NELL2: variants seen among roughly 807,000 people sequenced by gnomAD.
NELL2 encodes protein kinase C-binding protein NELL2.
In NELL2, 41 loss-of-function variants were observed where a neutral mutation model predicts 109.6. That is an observed-to-expected ratio of 0.37 (90% confidence interval 0.29 to 0.49). The LOEUF (loss-of-function observed/expected upper bound fraction) is 0.49. NELL2 is among the 20% of genes least tolerant of loss of function. The probability of loss-of-function intolerance (pLI) is 0.98; values close to 1 mark genes in which losing one functional copy is unlikely to be tolerated. For missense variants in NELL2, 900 were observed against 1,008.3 expected (o/e 0.89, Z 1.45); for synonymous variants, 355 against 344.7 (o/e 1.03, Z -0.33).
upstream of NELL2, among the ~76,000 whole-genome samples, chr12:44,917,065 G>C (rs998601139): frequency 6.6e-6 from 1 of 152,056 alleles, no homozygotes; most frequent in South Asian, 2.1e-4. Context: ...AGAGACTCTC[G>C]TTTTGTTAAT....
intron 15 of NELL2, among the ~76,000 whole-genome samples, chr12:44,563,230 G>C (rs889049542): frequency 6.6e-6 from 1 of 151,886 alleles, no homozygotes; most frequent in Admixed American, 6.6e-5. Flanking sequence ...AGGTTGATTG[G>C]TGCAGCAAAC....
At chr12:44,633,825 G>A (rs995758831) in intron 13 of NELL2, among the ~76,000 whole-genome samples, 5 of 152,046 alleles carry the variant, frequency 3.3e-5, no homozygotes, top group African/African-American at 1.2e-4. Context: ...TGGAAAATGT[G>A]TTCAGTTGGC....
At chr12:44,891,181 C>T (rs1755582114) in intron 1 of NELL2, among the ~76,000 whole-genome samples, 2 of 152,300 alleles carry the variant, frequency 1.3e-5, no homozygotes, top group South Asian at 2.1e-4. Context: ...TCAGAGGACA[C>T]CATACTTGTT....
chr12:44,844,933 T>G (rs1253340379), intron 2 of NELL2, among the ~76,000 whole-genome samples: 1 of 152,154 alleles, frequency 6.6e-6, no homozygotes, highest in Non-Finnish European at 1.5e-5. Context: ...AATCATTCTA[T>G]TATCTCAATT....
Position 44,787,314 on chromosome 12 carries a change from A to G in NELL2, c.336-7292T>C, listed in dbSNP as rs11561525. On this transcript the variant is annotated intron_variant, in intron 3 of 19. Transcript: ENST00000429094. ...TAAATATACCATATGCATAAATTGG[A>G]AGACTCAATACAGTAAAGAAGTCAA... Among the ~76,000 whole-genome samples the G allele has an allele frequency of 2.2e-3, 342 of 152,306 alleles. 10 individuals carry two copies. The East Asian group carries it at 0.049, about 22-fold the overall frequency.
chr12:44,784,955 C>T (rs1460291090), intron 3 of NELL2, among the ~76,000 whole-genome samples: 2 of 152,094 alleles, frequency 1.3e-5, no homozygotes, highest in Admixed American at 1.3e-4. Context: ...GGAAGCATTC[C>T]CTTTGAAAAC....
chr12:44,811,771 G>A (rs762744033), intron 3 of NELL2, among the ~76,000 whole-genome samples: 13 of 152,050 alleles, frequency 8.5e-5, no homozygotes, highest in Admixed American at 5.2e-4. Flanking sequence ...GGAAGAGAGA[G>A]CCAGTCTCAC....
Position 44,686,415 on chromosome 12 carries a change from C to T in NELL2, c.1318+17311G>A, listed in dbSNP as rs539937844. Among the ~76,000 whole-genome samples, 10 of 152,324 alleles carry T rather than the reference C, an allele frequency of 6.6e-5. No homozygotes were observed. The South Asian group carries it at 1.9e-3, about 28-fold the overall frequency. ...CGTCTGAAGCCTTCTTCTCTCAGCT[C>T]GTCAAAGTCATTCTCCCTCCAGCTT... On this transcript the variant is annotated intron_variant, in intron 12 of 19. Coordinates refer to ENST00000429094, the MANE Select transcript of NELL2 (RefSeq NM_001145108.2).
At chr12:44,684,213 T>A (rs1478354318) in intron 12 of NELL2, among the ~76,000 whole-genome samples, 2 of 152,218 alleles carry the variant, frequency 1.3e-5, no homozygotes, top group Admixed American at 1.3e-4. Context: ...CATAGACGTG[T>A]TTGTAGTATT....
chr12:44,576,427 G>A (rs1944086451), intron 15 of NELL2, among the ~76,000 whole-genome samples: 1 of 152,128 alleles, frequency 6.6e-6, no homozygotes, highest in Non-Finnish European at 1.5e-5. Flanking sequence ...TAATAAGCAG[G>A]CTTGTGTTGA....
At chr12:44,882,378 A>G (rs573637347) in intron 1 of NELL2, among the ~76,000 whole-genome samples, 19 of 151,678 alleles carry the variant, frequency 1.3e-4, no homozygotes, top group Non-Finnish European at 2.4e-4. Context: ...TTGAAAATAT[A>G]CATACATACG....
In NELL2 at chr12:44,734,458, T is replaced by C. The variant is rs11182624; in HGVS notation, c.995-19717A>G. ...AGTCTATGTATATTTAGTCTATGTA[T>C]ATTTAACAACAAATATATTCAATTT... is the stretch of plus-strand genomic sequence containing the variant. On this transcript the variant is annotated intron_variant, in intron 9 of 19. Coordinates refer to ENST00000429094, the MANE Select transcript of NELL2 (RefSeq NM_001145108.2). Among the ~76,000 whole-genome samples, 206 of 151,768 alleles carry C rather than the reference T, an allele frequency of 1.4e-3. 4 individuals carry two copies. The East Asian group carries it at 0.03, about 22-fold the overall frequency.
At chr12:44,900,863 G>A (rs1408438468) in intron 1 of NELL2, among the ~76,000 whole-genome samples, 3 of 151,932 alleles carry the variant, frequency 2.0e-5, no homozygotes, top group African/African-American at 7.2e-5. Flanking sequence ...ATGGCATGCA[G>A]CTGTAGTCCC....
At chr12:44,777,421 T>C (rs751084909) in intron 5 of NELL2, 107 bp from the exon 6 acceptor site, 5 of 852,300 alleles carry the variant, frequency 5.9e-6, no homozygotes, top group African/African-American at 1.7e-5. Flanking sequence ...CTCACTAAAA[T>C]CCCTGAGTAA....
At chr12:44,576,425 A>G (rs1944086355) in intron 15 of NELL2, among the ~76,000 whole-genome samples, 1 of 152,184 alleles carries the variant, frequency 6.6e-6, no homozygotes. Context: ...CCTAATAAGC[A>G]GGCTTGTGTT....
intron 5 of NELL2, 88 bp from the exon 6 acceptor site, chr12:44,777,402 C>G: frequency 2.0e-6 from 2 of 1,007,650 alleles, no homozygotes; most frequent in Non-Finnish European, 3.1e-6. Flanking sequence ...GAAAATATTA[C>G]AGAACACACT....
chr12:44,876,938 C>T (rs1207819063), upstream of NELL2: 7 of 1,214,586 alleles, frequency 5.8e-6, no homozygotes, highest in African/African-American at 9.3e-5. Flanking sequence ...GGAGAGCTTC[C>T]CCGGCGCGGA....
In NELL2 at chr12:44,708,946, CATTT is replaced by C. The variant is rs1938040257; in HGVS notation, c.1189+2342_1189+2345del. Among the ~76,000 whole-genome samples, 3 of 152,122 alleles carry C rather than the reference CATTT, an allele frequency of 2.0e-5. No individual in the cohort carries two copies. The South Asian group carries it at 6.2e-4, about 32-fold the overall frequency. On this transcript the variant is annotated intron_variant, in intron 11 of 19. Coordinates refer to ENST00000429094, the MANE Select transcript of NELL2 (RefSeq NM_001145108.2). Reference sequence around the variant, plus strand: ...ATAACACAATTTTACTAGCATTTTCCATTTATTAACTTGCTTTTCATAATATATT... The same window carrying C: ...ATAACACAATTTTACTAGCATTTTCCATTAACTTGCTTTTCATAATATATT...
At chr12:44,522,421 T>C (rs1205904351) in intron 17 of NELL2, among the ~76,000 whole-genome samples, 1 of 152,194 alleles carries the variant, frequency 6.6e-6, no homozygotes, top group African/African-American at 2.4e-5. Flanking sequence ...ATATTTTTTT[T>C]CAGAAATGAC....
Sources: allele counts gnomAD v4.1 joint callset (sites outside exome capture counted in the v4.1 genomes callset), GRCh38; gene constraint gnomAD v4.1.1; transcripts MANE v1.5; gene names NCBI Gene and HGNC (gene_info 2026-07-23, HGNC 2026-07-21).